The following DLEU7 variants were observed in gnomAD, a reference collection of about 807,000 sequenced individuals.
The protein encoded by DLEU7 is deleted in lymphocytic leukemia 7, also known as leukemia-associated protein 7.
In DLEU7, 17 loss-of-function variants were observed where a neutral mutation model predicts 16.0. The observed-to-expected ratio is 1.06, with a 90% CI of 0.73 to 1.59. The LOEUF is 1.59. DLEU7 is among the 40% of genes most tolerant of loss of function. The pLI is 0.00. For missense variants in DLEU7, 308 were observed against 314.9 expected, an observed-to-expected ratio of 0.98 and a Z score of 0.17; for synonymous variants, 113 against 139.8, an observed-to-expected ratio of 0.81 and a Z score of 1.35.
intron 1 of DLEU7, among the ~76,000 whole-genome samples, chr13:50,806,546 T>A (rs1008710695): frequency 2.0e-5 from 3 of 152,112 alleles, no homozygotes; most frequent in African/African-American, 7.2e-5. Context: ...TGCCCTAAAT[T>A]CTGACTCATA....
intron 1 of DLEU7, among the ~76,000 whole-genome samples, chr13:50,717,215 C>T (rs998594385): frequency 3.3e-5 from 5 of 152,144 alleles, no homozygotes; most frequent in Admixed American, 3.3e-4. Flanking sequence ...ATATGACTAT[C>T]CACTCCCAGT....
intron 1 of DLEU7, among the ~76,000 whole-genome samples, chr13:50,727,518 G>T (rs1042060159): frequency 1.3e-5 from 2 of 152,114 alleles, no homozygotes; most frequent in African/African-American, 2.4e-5. Context: ...GGAGGTGGGG[G>T]TCATTGACAC....
At chr13:50,813,689 T>C (rs1376191792) in intron 1 of DLEU7, among the ~76,000 whole-genome samples, 1 of 152,050 alleles carries the variant, frequency 6.6e-6, no homozygotes, top group African/African-American at 2.4e-5. Context: ...TTTTAAGCAA[T>C]ATATATATTT....
Position 50,727,842 on chromosome 13 carries a change from C to T in DLEU7, c.460-14602G>A, listed in dbSNP as rs73184500. On this transcript the variant is annotated intron_variant, in intron 1 of 1. Transcript: ENST00000400393. ...ATTCTGCATGAACACTCGGTGTCAA[C>T]GCCAGGCAAGCTGGCTCCCCAGCCT... 4.2e-3 allele frequency among the ~76,000 whole-genome samples: 645 copies of T among 152,360 alleles called. 1 individual carries two copies. Among genetic ancestry groups the T allele is most frequent in the Non-Finnish European group, 7.1e-3 (483 of 68,034 alleles).
At chr13:50,732,606 C>CAAAGAAAA (rs1873943692) in intron 1 of DLEU7, among the ~76,000 whole-genome samples, 1 of 65,950 alleles carries the variant, frequency 1.5e-5, no homozygotes, top group African/African-American at 7.1e-5. Flanking sequence ...GACTCCATCT[C>CAAAGAAAA]AAAAAAAAAA....
chr13:50,801,452 G>C (rs1876245321), intron 1 of DLEU7, among the ~76,000 whole-genome samples: 1 of 152,114 alleles, frequency 6.6e-6, no homozygotes, highest in Non-Finnish European at 1.5e-5. Context: ...TTTCTGAGCA[G>C]AGACCGGTCT....
chr13:50,752,052 CTTTTTT>C (rs200928092), intron 1 of DLEU7, among the ~76,000 whole-genome samples: 5 of 135,742 alleles, frequency 3.7e-5, no homozygotes, highest in African/African-American at 8.2e-5. Context: ...CTCTTTCAGT[CTTTTTT>C]TTTTTTTTTT....
intron 1 of DLEU7, among the ~76,000 whole-genome samples, chr13:50,785,014 C>A (rs562321050): frequency 2.0e-5 from 3 of 152,148 alleles, no homozygotes; most frequent in Non-Finnish European, 4.4e-5. Context: ...GAAGAGACAA[C>A]CCCTCAGCTT....
chr13:50,771,397 ATTTAGTGCTATAAATTTCC>A (rs1216716201), intron 1 of DLEU7, among the ~76,000 whole-genome samples: 2 of 152,288 alleles, frequency 1.3e-5, no homozygotes, highest in South Asian at 4.2e-4. Context: ...TCTTGTGGGC[ATTTAGTGCTATAAATTTCC>A]CTCTACACAG....
intron 1 of DLEU7, among the ~76,000 whole-genome samples, chr13:50,788,092 A>G (rs1875846498): frequency 6.6e-6 from 1 of 152,118 alleles, no homozygotes. Flanking sequence ...TCTATCTCTC[A>G]ACTGTGACTC....
intron 1 of DLEU7, among the ~76,000 whole-genome samples, chr13:50,792,267 G>C (rs1306615955): frequency 6.6e-6 from 1 of 152,074 alleles, no homozygotes; most frequent in Non-Finnish European, 1.5e-5. Context: ...CTCTTTAATT[G>C]AATTATCAAA....
chr13:50,764,573 T>C (rs1401592467), intron 1 of DLEU7, among the ~76,000 whole-genome samples: 1 of 152,246 alleles, frequency 6.6e-6, no homozygotes, highest in Non-Finnish European at 1.5e-5. Flanking sequence ...AAAACACTTA[T>C]CTATGAACCC....
At chr13:50,775,487 G>A (rs577282003) in intron 1 of DLEU7, among the ~76,000 whole-genome samples, 4 of 152,138 alleles carry the variant, frequency 2.6e-5, no homozygotes, top group East Asian at 1.9e-4. Context: ...TGAAATCTCC[G>A]CAACAGCTTT....
At chr13:50,767,968 CT>C (rs916501023) in intron 1 of DLEU7, among the ~76,000 whole-genome samples, 1 of 152,196 alleles carries the variant, frequency 6.6e-6, no homozygotes, top group South Asian at 2.1e-4. Context: ...CTGTGACTTG[CT>C]TTTGTTTTCC....
intron 1 of DLEU7, among the ~76,000 whole-genome samples, chr13:50,826,482 T>C (rs1442850811): frequency 6.6e-6 from 1 of 151,786 alleles, no homozygotes; most frequent in Non-Finnish European, 1.5e-5. Context: ...AACCAGATAA[T>C]AAATATGAAA....
chr13:50,770,174 A>G (rs1393792825), intron 1 of DLEU7, among the ~76,000 whole-genome samples: 1 of 152,120 alleles, frequency 6.6e-6, no homozygotes, highest in Non-Finnish European at 1.5e-5. Context: ...ATTTGGAGCC[A>G]AGACGATGGG....
chr13:50,744,810 C>T (rs761981734), intron 1 of DLEU7, among the ~76,000 whole-genome samples: 91 of 152,122 alleles, frequency 6.0e-4, no homozygotes, highest in Non-Finnish European at 1.2e-3. Flanking sequence ...CCAAAAAGCA[C>T]ATAAAAAGAT....
chr13:50,795,308 A>G (rs1312928179), intron 1 of DLEU7, among the ~76,000 whole-genome samples: 2 of 152,128 alleles, frequency 1.3e-5, no homozygotes, highest in African/African-American at 4.8e-5. Flanking sequence ...GATTATAGCA[A>G]AAGGACAGAA....
At chr13:50,712,401 C>A (rs1341854852) in exon 2 of DLEU7, 1 of 152,026 alleles carries the variant, frequency 6.6e-6, no homozygotes, top group Non-Finnish European at 1.5e-5. Context: ...GTGCTTTTAC[C>A]AAGAAGTTGT....
Sources: allele counts gnomAD v4.1 joint callset (sites outside exome capture counted in the v4.1 genomes callset), GRCh38; gene constraint gnomAD v4.1.1; transcripts MANE v1.5; gene names NCBI Gene and HGNC (gene_info 2026-07-23, HGNC 2026-07-21).